CD46: variants seen among roughly 807,000 people sequenced by gnomAD.
The protein encoded by CD46 is CD46 molecule.
Under a neutral mutation model 53.3 loss-of-function variants are expected in CD46, and 30 were observed. The ratio of observed to expected loss-of-function variants is 0.56; its 90% CI spans 0.42 to 0.76. CD46 has a LOEUF of 0.76. CD46 is among the 30% of genes least tolerant of loss of function. CD46 has a pLI of 0.00. For synonymous variants in CD46, 142 were observed against 152.0 expected, an observed-to-expected ratio of 0.93 and a Z score of 0.48; for missense variants, 409 against 463.0, an observed-to-expected ratio of 0.88 and a Z score of 1.07.
intron 12 of CD46, among the ~76,000 whole-genome samples, chr1:207,792,068 A>G (rs1194108548): frequency 6.6e-6 from 1 of 152,162 alleles, no homozygotes; most frequent in Non-Finnish European, 1.5e-5. Context: ...GGATCACTTA[A>G]GGTTTGAGAC....
In CD46 at chr1:207,794,466, A is replaced by G. The variant is rs2102729525; in HGVS notation, c.*989A>G. ...GTGTTTTTCTCTCCCTCCTTAAATA[A>G]AGAGAGGGGTTAAACATGCCCTCTA... On this transcript the variant is annotated 3_prime_UTR_variant, in exon 13 of 13. Transcript: ENST00000367042. The G allele has an allele frequency of 6.6e-6, 1 of 152,300 alleles. No homozygotes were observed. The highest frequency in any genetic ancestry group is 1.5e-5 in the Non-Finnish European group (1 of 68,012). The allele number at this position is 152,300 out of a possible 1,614,324, so 9.4% of individuals were successfully genotyped here.
At chr1:207,786,884 T>A (rs953475558) in intron 11 of CD46, among the ~76,000 whole-genome samples, 2 of 152,210 alleles carry the variant, frequency 1.3e-5, no homozygotes, top group Admixed American at 6.5e-5. Flanking sequence ...GTACAAAATA[T>A]TATCAATGGA....
chr1:207,794,545 A>G lies in CD46; in HGVS notation c.*1068A>G, dbSNP rs1660080966. The G allele has an allele frequency of 6.6e-6, 1 of 152,220 alleles. No homozygotes were observed. Among genetic ancestry groups the G allele is most frequent in the Non-Finnish European group, 1.5e-5 (1 of 68,042 alleles). The allele number at this position is 152,220 out of a possible 1,614,324, so 9.4% of individuals were successfully genotyped here. ...TCATCAGATAACCTCAAGTCACATG[A>G]GAATCTTAGTCCATTTACATTGCCT... On this transcript the variant is annotated 3_prime_UTR_variant, in exon 13 of 13. Coordinates refer to ENST00000367042, the MANE Select transcript of CD46 (RefSeq NM_172351.3).
chr1:207,754,538 G>A (rs1006610025), intron 1 of CD46, among the ~76,000 whole-genome samples: 4 of 152,124 alleles, frequency 2.6e-5, no homozygotes, highest in South Asian at 4.1e-4. Flanking sequence ...CCAAAAGCCC[G>A]ATTTGTTTAC....
At chr1:207,784,730 C>T (rs1234962045) in intron 9 of CD46, among the ~76,000 whole-genome samples, 2 of 152,144 alleles carry the variant, frequency 1.3e-5, no homozygotes, top group Admixed American at 1.3e-4. Flanking sequence ...CCCCAGGAAA[C>T]TTATAATCAT....
intron 7 of CD46, chr1:207,769,311 T>A (rs1657206614): frequency 6.6e-6 from 1 of 152,194 alleles, no homozygotes; most frequent in Non-Finnish European, 1.5e-5. Flanking sequence ...GGTAGCCTCC[T>A]GAGTTGAGTG....
chr1:207,776,323 G>A (rs188550003), intron 8 of CD46, among the ~76,000 whole-genome samples: 16 of 152,296 alleles, frequency 1.1e-4, no homozygotes, highest in Admixed American at 2.6e-4. Flanking sequence ...AAGTCCTTGC[G>A]CTTCCGGGTG....
rs190690226 is a variant in CD46, at chr1:207,766,723, G to A, written c.674-290G>A. ...TGAGTGGGGAAAACAACAAAAACCC[G>A]TATTACATTTAGGAGGGCAGGGACA... On this transcript the variant is annotated intron_variant, in intron 5 of 12. Transcript: ENST00000367042. Among the ~76,000 whole-genome samples the A allele has an allele frequency of 1.2e-4, 18 of 152,150 alleles. 1 individual carries two copies. The East Asian group carries it at 1.7e-3, about 15-fold the overall frequency.
chr1:207,784,590 TA>T (rs1314561888), intron 9 of CD46, among the ~76,000 whole-genome samples: 1 of 152,306 alleles, frequency 6.6e-6, no homozygotes, highest in South Asian at 2.1e-4. Flanking sequence ...TAAAACTATA[TA>T]AAAAATTTTT....
Position 207,752,337 on chromosome 1 carries a change from C to T in CD46, c.97+28C>T. On this transcript the variant is annotated intron_variant, in intron 1 of 12. Transcript: ENST00000367042. The surrounding 1 kb of genome is among the most constrained non-coding windows in gnomAD (Gnocchi z 4.1). Reference sequence around the variant, plus strand: ...AGGACCCCGGGGCGGGTTCGCGCGTCCGCGGCGAGACTAGAGCTCTCCTCA... The same window carrying T: ...AGGACCCCGGGGCGGGTTCGCGCGTTCGCGGCGAGACTAGAGCTCTCCTCA... 6.3e-7 allele frequency: 1 copy of T among 1,599,338 alleles called. No homozygotes were observed. The highest frequency in any genetic ancestry group is 2.2e-5 in the East Asian group (1 of 44,786).
intron 3 of CD46, among the ~76,000 whole-genome samples, 168 bp downstream of exon 3, chr1:207,757,810 A>C (rs564805091): frequency 6.6e-5 from 10 of 152,358 alleles, no homozygotes; most frequent in Middle Eastern, 6.8e-3. Flanking sequence ...ATATATAGTA[A>C]ATAGAAAGTA....
chr1:207,793,878 C>A lies in CD46; in HGVS notation c.*401C>A. On this transcript the variant is annotated 3_prime_UTR_variant, in exon 13 of 13. Coordinates refer to ENST00000367042, the MANE Select transcript of CD46 (RefSeq NM_172351.3). ...GATATGCTGTATTTTATAAAATTGGCAAAATTAGAGAAATATAGTTCACAA... is the reference window on the plus strand; with the variant it reads ...GATATGCTGTATTTTATAAAATTGGAAAAATTAGAGAAATATAGTTCACAA... 1 of 350,472 alleles carries A rather than the reference C, an allele frequency of 2.9e-6. No individual in the cohort carries two copies. Among genetic ancestry groups the A allele is most frequent in the Non-Finnish European group, 5.3e-6 (1 of 190,290 alleles). The allele number at this position is 350,472 out of a possible 1,614,324, so 21.7% of individuals were successfully genotyped here.
chr1:207,761,787 G>T (rs1195590793), intron 5 of CD46, among the ~76,000 whole-genome samples: 2 of 151,668 alleles, frequency 1.3e-5, no homozygotes, highest in East Asian at 1.9e-4. Flanking sequence ...AAGAGTTCTG[G>T]CTATGGTAGT....
chr1:207,761,093 A>G (rs1184044305), intron 4 of CD46, 156 bp from the exon 5 acceptor site: 3 of 604,622 alleles, frequency 5.0e-6, no homozygotes, highest in Non-Finnish European at 8.8e-6. Context: ...ATTTGGGATG[A>G]TATATTTGCT....
At chr1:207,767,272 T>A in intron 6 of CD46, 77 bp downstream of exon 6, 1 of 1,207,058 alleles carries the variant, frequency 8.3e-7, no homozygotes, top group Non-Finnish European at 1.2e-6. Context: ...TCTTTGATAT[T>A]AACTATCAGT....
intron 12 of CD46, among the ~76,000 whole-genome samples, chr1:207,792,269 A>G (rs1659865738): frequency 6.6e-6 from 1 of 152,172 alleles, no homozygotes; most frequent in Non-Finnish European, 1.5e-5. Flanking sequence ...ACAGAGCAAG[A>G]CTCTGTCTCA....
chr1:207,767,014 G>C lies in CD46; in HGVS notation c.675G>C (p.Val225=). The change falls in exon 6 of 13, where the codon GTG becomes GTC. Residue 225 remains valine, a splice_region_variant and synonymous_variant. Transcript: ENST00000367042. ...TCTGAGGTTTCTCTAATTTTCCAGT[G>C]GTCAAATGTCGATTTCCAGTAGTCG... ...VWSRAAPECK[V]VKCRFPVVEN... The C allele has an allele frequency of 6.2e-7, 1 of 1,612,604 alleles. No individual in the cohort carries two copies. The highest frequency in any genetic ancestry group is 8.5e-7 in the Non-Finnish European group (1 of 1,178,804).
At chr1:207,760,784 A>C (rs1212748668) in intron 4 of CD46, 1 of 164,404 alleles carries the variant, frequency 6.1e-6, no homozygotes, top group Non-Finnish European at 1.3e-5. Flanking sequence ...GGTGTCTCAC[A>C]TGGCAGGAGC....
chr1:207,771,881 C>G, intron 8 of CD46, among the ~76,000 whole-genome samples: 1 of 152,152 alleles, frequency 6.6e-6, no homozygotes, highest in East Asian at 1.9e-4. Context: ...GCTATATGGA[C>G]TCTTTTTTGG....
Sources: allele counts gnomAD v4.1 joint callset (sites outside exome capture counted in the v4.1 genomes callset), GRCh38; gene constraint gnomAD v4.1.1; non-coding constraint Gnocchi (gnomAD v3.1); transcripts MANE v1.5; gene names NCBI Gene and HGNC (gene_info 2026-07-23, HGNC 2026-07-21).